HUWE1: variants seen among roughly 807,000 people sequenced by gnomAD.
The protein encoded by HUWE1 is E3 ubiquitin-protein ligase HUWE1.
In HUWE1, 18 loss-of-function variants were observed where a neutral mutation model predicts 299.4. The observed-to-expected ratio is 0.06, with a 90% CI of 0.04 to 0.09. HUWE1 has a LOEUF of 0.09. HUWE1 is among the 10% of genes least tolerant of loss of function. The probability of loss-of-function intolerance (pLI) is 1.00; values close to 1 mark genes in which losing one functional copy is unlikely to be tolerated. For synonymous variants in HUWE1, 1,317 were observed against 1,286.1 expected (o/e 1.02, Z -0.51); for missense variants, 1,832 against 3,462.3 (o/e 0.53, Z 11.82).
intron 55 of HUWE1, 101 bp from the exon 56 acceptor site, chrX:53,560,517 A>G: frequency 1.4e-6 from 1 of 707,722 alleles, no homozygotes; most frequent in Non-Finnish European, 2.2e-6. Flanking sequence ...CTCACACGGA[A>G]ACCTGAGCTT....
chrX:53,580,075 CAT>C, intron 43 of HUWE1, among the ~76,000 whole-genome samples: 1 of 111,686 alleles, frequency 9.0e-6, no homozygotes, highest in African/African-American at 3.3e-5. Context: ...CTCCTAAATA[CAT>C]CTACTTGTAG....
intron 23 of HUWE1, among the ~76,000 whole-genome samples, chrX:53,613,205 TCAGA>T (rs1430765041): frequency 8.9e-6 from 1 of 111,836 alleles, no homozygotes; most frequent in Non-Finnish European, 1.9e-5. Context: ...GTTTGCCTTC[TCAGA>T]CAGGGTAAGG....
At chrX:53,568,634 T>G in intron 49 of HUWE1, 58 bp downstream of exon 49, 1 of 1,097,745 alleles carries the variant, frequency 9.1e-7, no homozygotes, top group Non-Finnish European at 1.2e-6. Context: ...TACCTCCACA[T>G]CATTCGTGTA....
At position 53,539,761 on chromosome X, in the gene HUWE1, T is replaced by A; in HGVS notation, c.11528A>T (p.Glu3843Val). The A allele has an allele frequency of 8.3e-7, 1 of 1,208,006 alleles. No individual in the cohort carries two copies. Among genetic ancestry groups the A allele is most frequent in the African/African-American group, 1.7e-5 (1 of 57,776 alleles). Residue 3843 changes from glutamate to valine, a missense_variant, in exon 75 of 84, where the codon GAG becomes GTG. Physicochemically the swap from Glu to Val is moderately radical, Grantham distance 121. Around this residue, in one of 15 missense-constraint regions of HUWE1, gnomAD observed 27 missense variants for 21.1 expected, o/e 1.28. Coordinates refer to ENST00000262854, the MANE Select transcript of HUWE1 (RefSeq NM_031407.7). ...GEKEKEERPP[E>V]LPLLSEQLSL... ...CAGCTGCTCGCTGAGCAGGGGTAAC[T>A]CAGGTGGTCTTTCTTCCTTTTCCTT...
At chrX:53,539,320 TAAAAAAAA>T (rs34154526) in intron 75 of HUWE1, among the ~76,000 whole-genome samples, 2 of 52,845 alleles carry the variant, frequency 3.8e-5, no homozygotes, top group African/African-American at 1.4e-4. Flanking sequence ...ATTTCTGATT[TAAAAAAAA>T]AAAAAAAAAA....
chrX:53,543,720 A>G lies in HUWE1; in HGVS notation c.11379+121T>C. 2.1e-5 allele frequency: 22 copies of G among 1,025,389 alleles called. No individual in the cohort carries two copies. In the South Asian group the frequency reaches 4.0e-4, roughly 19 times the overall value. 84.5% of individuals were successfully genotyped at this position (1,025,389 alleles called of 1,213,427 possible). On this transcript the variant is annotated intron_variant, in intron 73 of 83. Transcript: ENST00000262854. ...GAAAGTAACCCTTTTGTCCAGAAGC[A>G]TTCATATAGCAAACTTAATGCAAAA...
rs781872964 is a variant in HUWE1, at chrX:53,535,015, C to T, written c.12650-318G>A. Among the ~76,000 whole-genome samples, 147 of 109,531 alleles carry T rather than the reference C, an allele frequency of 1.3e-3. 1 individual carries two copies. The highest frequency in any genetic ancestry group is 4.6e-3 in the African/African-American group (139 of 30,051). On this transcript the variant is annotated intron_variant, in intron 81 of 83. Coordinates refer to ENST00000262854, the MANE Select transcript of HUWE1 (RefSeq NM_031407.7). The stretch of plus-strand genomic sequence containing the variant: ...AGAGTGGTGCGATCTCAGCTCACTG[C>T]AAACTCCACCTCCCGGGTTCAAGCA...
chrX:53,556,346 T>C (rs1172475459), intron 60 of HUWE1: 2 of 342,972 alleles, frequency 5.8e-6, no homozygotes, highest in Non-Finnish European at 1.2e-5. Flanking sequence ...AATCCTCTAA[T>C]AAGGGCAGCA....
At chrX:53,547,443 G>C (rs2061588826) in intron 68 of HUWE1, among the ~76,000 whole-genome samples, 1 of 111,739 alleles carries the variant, frequency 8.9e-6, no homozygotes, top group African/African-American at 3.3e-5. Context: ...GTGTGTGTGT[G>C]AGAGGCAGGG....
chrX:53,562,176 T>G lies in HUWE1; in HGVS notation c.7273A>C (p.Asn2425His), dbSNP rs1464609924. The change falls in exon 54 of 84, where the codon AAC (asparagine) becomes CAC (histidine). Residue 2425 changes from asparagine to histidine, a missense_variant. This residue lies in a region of HUWE1 where 170 missense variants were observed against 335.8 expected (regional missense o/e 0.51). Transcript: ENST00000262854. ...HTQEEDSSGS[N>H]EDEDDSQDEE... ...TCCTGACTATCATCCTCATCCTCGT[T>G]ACTGCCACTGCTGTCCTCTTCCTGA... 1 of 1,186,076 alleles carries G rather than the reference T, an allele frequency of 8.4e-7. No individual in the cohort carries two copies. Among genetic ancestry groups the G allele is most frequent in the Non-Finnish European group, 1.1e-6 (1 of 872,016 alleles).
At chrX:53,588,337 T>A (rs1556975129) in intron 37 of HUWE1, 45 bp downstream of exon 37, 1 of 1,167,780 alleles carries the variant, frequency 8.6e-7, no homozygotes, top group Admixed American at 2.2e-5. Flanking sequence ...TGTTTGATAA[T>A]TCTTTCATGA....
intron 19 of HUWE1, among the ~76,000 whole-genome samples, chrX:53,619,876 C>A (rs782396328): frequency 8.9e-6 from 1 of 112,050 alleles, no homozygotes; most frequent in Non-Finnish European, 1.9e-5. Context: ...CCATTGCATC[C>A]CCATGCCACT....
At chrX:53,669,365 C>T (rs1354601132) in intron 3 of HUWE1, among the ~76,000 whole-genome samples, 2 of 112,240 alleles carry the variant, frequency 1.8e-5, no homozygotes, top group Non-Finnish European at 3.8e-5. Flanking sequence ...GAACAATCTA[C>T]TGCTTTAAAA....
At chrX:53,571,028 T>C (rs147200470) in intron 47 of HUWE1, among the ~76,000 whole-genome samples, 56 of 112,477 alleles carry the variant, frequency 5.0e-4, no homozygotes, top group African/African-American at 1.7e-3. Flanking sequence ...TTTGGAATCA[T>C]AGCCCTAGCT....
At chrX:53,651,309 G>A (rs906866065) in intron 4 of HUWE1, among the ~76,000 whole-genome samples, 2 of 111,169 alleles carry the variant, frequency 1.8e-5, no homozygotes, top group Non-Finnish European at 3.8e-5. Flanking sequence ...GTGTCCCTAC[G>A]TGTGTGTGCA....
At chrX:53,628,664 A>G in intron 14 of HUWE1, 44 bp from the exon 15 acceptor site, 1 of 1,202,717 alleles carries the variant, frequency 8.3e-7, no homozygotes, top group East Asian at 3.0e-5. Flanking sequence ...CAAGCTCAAA[A>G]TTGCTGTTAA....
chrX:53,586,682 A>G, intron 38 of HUWE1, 100 bp downstream of exon 38: 2 of 1,097,764 alleles, frequency 1.8e-6, no homozygotes, highest in Non-Finnish European at 1.3e-6. Flanking sequence ...CTACAGAAGT[A>G]CCACAAATTT....
chrX:53,585,228 A>G (rs2063800207), intron 39 of HUWE1, 40 bp from the exon 40 acceptor site: 3 of 1,173,355 alleles, frequency 2.6e-6, no homozygotes, highest in Non-Finnish European at 3.5e-6. Context: ...ATTTCTTTCA[A>G]GGTTGATTAG....
At chrX:53,599,051 C>A (rs138655734) in intron 29 of HUWE1, among the ~76,000 whole-genome samples, 1,226 of 112,109 alleles carry the variant, frequency 0.011, 22 homozygotes, top group African/African-American at 0.038. Flanking sequence ...ACTTTCTCAC[C>A]ACTGCTTTCA....
Sources: allele counts gnomAD v4.1 joint callset (sites outside exome capture counted in the v4.1 genomes callset), GRCh38; gene constraint gnomAD v4.1.1; regional missense constraint gnomAD v4.1.1; transcripts MANE v1.5; gene names NCBI Gene and HGNC (gene_info 2026-07-23, HGNC 2026-07-21).